PCDHGB7: variants seen among roughly 807,000 people sequenced by gnomAD.
The protein encoded by PCDHGB7 is protocadherin gamma-B7.
A neutral mutation model predicts 61.4 loss-of-function variants in PCDHGB7; 37 were observed. That is an observed-to-expected ratio of 0.60 (90% CI 0.46 to 0.79). PCDHGB7 has a LOEUF of 0.79. Among genes scored for constraint, PCDHGB7 ranks in the 30% least tolerant of loss-of-function variants. The probability of loss-of-function intolerance (pLI) is 0.00; values close to 1 mark genes in which losing one functional copy is unlikely to be tolerated. For missense variants in PCDHGB7, 1,166 were observed against 1,202.5 expected (o/e 0.97, Z 0.45); for synonymous variants, 464 against 503.5 (o/e 0.92, Z 1.05).
At position 141,425,713 on chromosome 5, in the gene PCDHGB7, C is replaced by T. The variant is rs191037499; in HGVS notation, c.2415+5439C>T. 3.9e-4 allele frequency among the ~76,000 whole-genome samples: 60 copies of T among 152,312 alleles called. No homozygotes were observed. In the East Asian group the frequency reaches 6.7e-3, roughly 17 times the overall value. On this transcript the variant is annotated intron_variant, in intron 1 of 3. Transcript: ENST00000398594. ...CATTTCATAGTGGTCAAAATTTTCC[C>T]ATACCACTTGATGGGGATGTTTTCC...
At chr5:141,496,076 C>A (rs2099765713) in intron 2 of PCDHGB7, among the ~76,000 whole-genome samples, 1 of 152,010 alleles carries the variant, frequency 6.6e-6, no homozygotes, top group Non-Finnish European at 1.5e-5. Context: ...GCACACACAA[C>A]CCCCCACCCA....
intron 2 of PCDHGB7, 30 bp from the exon 3 acceptor site, chr5:141,505,361 AGT>A: frequency 6.2e-7 from 1 of 1,613,910 alleles, no homozygotes; most frequent in Non-Finnish European, 8.5e-7. Context: ...CCGGCCTGGG[AGT>A]CTGTGCTCAC....
Position 141,418,101 on chromosome 5 carries a change from G to T in PCDHGB7, c.242G>T (p.Ser81Ile). The change falls in exon 1 of 4, where the codon AGC (serine) becomes ATC (isoleucine). Residue 81 changes from serine to isoleucine, a missense_variant. Transcript: ENST00000398594. ...CTGCACTTCAGCGTAGACGCGCAGA[G>T]CGGGGACTTACTTGTGAAGGACCGA... ...EKLHFSVDAQ[S>I]GDLLVKDRID... The T allele has an allele frequency of 6.2e-7, 1 of 1,614,082 alleles. No individual in the cohort carries two copies. The highest frequency in any genetic ancestry group is 8.5e-7 in the Non-Finnish European group (1 of 1,179,912).
At position 141,499,673 on chromosome 5, in the gene PCDHGB7, C is replaced by A. The variant is rs1193484216; in HGVS notation, c.2474+4808C>A. Among the ~76,000 whole-genome samples the A allele has an allele frequency of 2.7e-5, 4 of 150,550 alleles. No individual in the cohort carries two copies. In the East Asian group the frequency reaches 7.8e-4, roughly 29 times the overall value. On this transcript the variant is annotated intron_variant, in intron 2 of 3. Transcript: ENST00000398594. ...CATATAATTTCATCTTGGTCTCCACCATCTTTAACAGATGACTTTTTTTTT... is the reference window on the plus strand; with the variant it reads ...CATATAATTTCATCTTGGTCTCCACAATCTTTAACAGATGACTTTTTTTTT...
At chr5:141,449,261 G>A (rs148515123) in intron 1 of PCDHGB7, among the ~76,000 whole-genome samples, 101 of 152,156 alleles carry the variant, frequency 6.6e-4, no homozygotes, top group Non-Finnish European at 1.3e-3. Flanking sequence ...ATTGTACAAA[G>A]AACTGTATCT....
chr5:141,457,944 C>A (rs761151349), intron 1 of PCDHGB7, among the ~76,000 whole-genome samples: 33 of 152,310 alleles, frequency 2.2e-4, no homozygotes, highest in Non-Finnish European at 4.6e-4. Context: ...ATTGGCTCTG[C>A]ATGTCAAGCT....
Position 141,490,965 on chromosome 5 carries a change from C to G in PCDHGB7, c.2416-3842C>G. On this transcript the variant is annotated intron_variant, in intron 1 of 3. Coordinates refer to ENST00000398594, the MANE Select transcript of PCDHGB7 (RefSeq NM_018927.4). This position sits in a 1 kb window ranked among gnomAD's most constrained non-coding sequence, Gnocchi z 5.4. ...CACGGCCAGACTGGGAACACTCAGC[C>G]CCCCAGCGTCTCCCTCGCTCTGCTC... is the stretch of plus-strand genomic sequence containing the variant. 5 of 1,613,856 alleles carry G rather than the reference C, an allele frequency of 3.1e-6. No homozygotes were observed. The highest frequency in any genetic ancestry group is 3.3e-4 in the Middle Eastern group (2 of 6,062).
chr5:141,429,073 C>CTCGATT (rs1202357717), intron 1 of PCDHGB7: 1 of 152,116 alleles, frequency 6.6e-6, no homozygotes, highest in African/African-American at 2.4e-5. Context: ...CCAGGATGGT[C>CTCGATT]TCGATTTCCT....
chr5:141,423,766 C>A, intron 1 of PCDHGB7: 1 of 1,110,086 alleles, frequency 9.0e-7, no homozygotes, highest in Non-Finnish European at 1.1e-6. Context: ...GGGGGTGGGG[C>A]GGCATATATT....
chr5:141,445,188 G>A (rs1267342449), intron 1 of PCDHGB7, among the ~76,000 whole-genome samples: 5 of 152,198 alleles, frequency 3.3e-5, no homozygotes, highest in South Asian at 2.1e-4. Flanking sequence ...ATGTTTTTAT[G>A]TATTCTATAT....
Position 141,490,345 on chromosome 5 carries a change from G to C in PCDHGB7, c.2416-4462G>C, listed in dbSNP as rs2099698831. On this transcript the variant is annotated intron_variant, in intron 1 of 3. Coordinates refer to ENST00000398594, the MANE Select transcript of PCDHGB7 (RefSeq NM_018927.4). This position sits in a 1 kb window ranked among gnomAD's most constrained non-coding sequence, Gnocchi z 5.4. ...AGAGAGCACACCAGTGGGCACAGTA[G>C]TGGGGTTGTTTAATGTGCGAGACCG... is the stretch of plus-strand genomic sequence containing the variant. 1 of 1,614,216 alleles carries C rather than the reference G, an allele frequency of 6.2e-7. No homozygotes were observed. Among genetic ancestry groups the C allele is most frequent in the Non-Finnish European group, 8.5e-7 (1 of 1,180,034 alleles).
chr5:141,498,254 G>A (rs550611179), intron 2 of PCDHGB7, among the ~76,000 whole-genome samples: 2 of 152,338 alleles, frequency 1.3e-5, no homozygotes, highest in East Asian at 3.9e-4. Context: ...AGCAGGGCTG[G>A]TGTTGAGTTC....
Position 141,432,691 on chromosome 5 carries a change from G to T in PCDHGB7, c.2415+12417G>T. 1 of 1,613,942 alleles carries T rather than the reference G, an allele frequency of 6.2e-7. No individual in the cohort carries two copies. The highest frequency in any genetic ancestry group is 1.1e-5 in the South Asian group (1 of 91,068). On this transcript the variant is annotated intron_variant, in intron 1 of 3. Coordinates refer to ENST00000398594, the MANE Select transcript of PCDHGB7 (RefSeq NM_018927.4). This position sits in a 1 kb window ranked among gnomAD's most constrained non-coding sequence, Gnocchi z 6.0. ...ACGCGCTCAAGCAGAGCCTCGTAGT[G>T]GCCGTCCAGGACCACGGCCAGCCCC... is the stretch of plus-strand genomic sequence containing the variant.
At position 141,482,089 on chromosome 5, in the gene PCDHGB7, CAAA is replaced by C. The variant is rs36035257; in HGVS notation, c.2416-12704_2416-12702del. 2.7e-4 allele frequency among the ~76,000 whole-genome samples: 36 copies of C among 134,496 alleles called. No individual in the cohort carries two copies. The East Asian group carries it at 3.5e-3, about 13-fold the overall frequency. The allele number at this position is 134,496 out of a possible 152,430, so 88.2% of individuals were successfully genotyped here. On this transcript the variant is annotated intron_variant, in intron 1 of 3. Coordinates refer to ENST00000398594, the MANE Select transcript of PCDHGB7 (RefSeq NM_018927.4). ...AACAAGAACAAAACTCACTCCATCTCAAAAAAAAAAAAAAAATATCTAGAGATG... is the reference window on the plus strand; with the variant it reads ...AACAAGAACAAAACTCACTCCATCTCAAAAAAAAAAAAATATCTAGAGATG...
Position 141,419,923 on chromosome 5 carries a change from G to A in PCDHGB7, c.2064G>A (p.Met688Ile). ...HPTPSDSQAE[M>I]QFYLVVALAL... ...CACCCTCTGACTCCCAGGCTGAGAT[G>A]CAGTTTTACCTGGTGGTGGCCTTGG... The change falls in exon 1 of 4, where the codon ATG becomes ATA. Residue 688 changes from methionine (M) to isoleucine (I), a missense_variant. Coordinates refer to ENST00000398594, the MANE Select transcript of PCDHGB7 (RefSeq NM_018927.4). 2.5e-6 allele frequency: 4 copies of A among 1,614,088 alleles called. No homozygotes were observed. Among genetic ancestry groups the A allele is most frequent in the Non-Finnish European group, 3.4e-6 (4 of 1,179,908 alleles).
intron 1 of PCDHGB7, among the ~76,000 whole-genome samples, chr5:141,448,784 C>CAA (rs576464275): frequency 4.8e-5 from 7 of 145,806 alleles, no homozygotes; most frequent in East Asian, 2.0e-4. Context: ...ACTAAAAATA[C>CAA]AAAAAAAAAA....
chr5:141,491,567 C>T lies in PCDHGB7; in HGVS notation c.2416-3240C>T, dbSNP rs2099721325. On this transcript the variant is annotated intron_variant, in intron 1 of 3. Transcript: ENST00000398594. The surrounding 1 kb of genome is among the most constrained non-coding windows in gnomAD (Gnocchi z 6.9). ...GACTCGCAGAGCCACTGCTACAGGACGTGCTTTTCACCGGCCTCGGACGGC... is the reference window on the plus strand; with the variant it reads ...GACTCGCAGAGCCACTGCTACAGGATGTGCTTTTCACCGGCCTCGGACGGC... 1.9e-6 allele frequency: 3 copies of T among 1,614,004 alleles called. No individual in the cohort carries two copies. The highest frequency in any genetic ancestry group is 2.5e-6 in the Non-Finnish European group (3 of 1,180,034).
rs34752215 is a variant in PCDHGB7 at position 141,427,657 on chromosome 5, A to C, written c.2415+7383A>C. The C allele has an allele frequency of 1.4e-3, 1,030 of 734,210 alleles. 5 individuals carry two copies. Among genetic ancestry groups the C allele is most frequent in the Middle Eastern group, 5.7e-3 (25 of 4,398 alleles). The allele number at this position is 734,210 out of a possible 1,614,324, so 45.5% of individuals were successfully genotyped here. On this transcript the variant is annotated intron_variant, in intron 1 of 3. Coordinates refer to ENST00000398594, the MANE Select transcript of PCDHGB7 (RefSeq NM_018927.4). The stretch of plus-strand genomic sequence containing the variant: ...TTCCACCAAGTCTCCTACGTGGTCC[A>C]CGTGGCCGAAAACAACCTTCCCGGA...
At chr5:141,502,231 G>A (rs2099813372) in intron 2 of PCDHGB7, among the ~76,000 whole-genome samples, 1 of 152,172 alleles carries the variant, frequency 6.6e-6, no homozygotes, top group Non-Finnish European at 1.5e-5. Context: ...TGTTCTGTGT[G>A]TTCTTTTATC....
Sources: gnomAD v4.1 joint callset for allele counts (sites outside exome capture counted in the v4.1 genomes callset) on GRCh38, gnomAD v4.1.1 for gene constraint, Gnocchi (gnomAD v3.1) non-coding constraint, MANE v1.5 for transcripts, NCBI Gene and HGNC (gene_info 2026-07-23, HGNC 2026-07-21) for gene names.